TLN2: variants seen among roughly 807,000 people sequenced by gnomAD.
TLN2 encodes the protein talin-2.
In TLN2, 118 loss-of-function variants were observed where a neutral mutation model predicts 294.7. That is an observed-to-expected ratio of 0.40 (90% confidence interval 0.34 to 0.47). TLN2 has a LOEUF of 0.47. Among genes scored for constraint, TLN2 ranks in the 20% least tolerant of loss-of-function variants. The pLI is 0.84. For missense variants in TLN2, 3,083 were observed against 3,282.2 expected (o/e 0.94, Z 1.48); for synonymous variants, 1,431 against 1,304.5 (o/e 1.10, Z -2.09).
intron 54 of TLN2, among the ~76,000 whole-genome samples, chr15:62,822,606 C>T (rs1213230475): frequency 6.6e-6 from 1 of 152,168 alleles, no homozygotes; most frequent in African/African-American, 2.4e-5. Context: ...TCAGTCCATA[C>T]CAGCCCCTGT....
rs919756513 is a variant in TLN2 at position 62,588,842 on chromosome 15, CAAT to C, written c.-237-844_-237-842del. On this transcript the variant is annotated intron_variant, in intron 1 of 58. Coordinates refer to ENST00000636159, the MANE Select transcript of TLN2 (RefSeq NM_015059.3). ...AAAAATAGAGCAGAAATTTTAAAAA[CAAT>C]GATACTTTTGTCAAAAAATAAAATA... Among the ~76,000 whole-genome samples, 5 of 150,240 alleles carry C rather than the reference CAAT, an allele frequency of 3.3e-5. No individual in the cohort carries two copies. The East Asian group carries it at 5.9e-4, about 18-fold the overall frequency.
intron 1 of TLN2, among the ~76,000 whole-genome samples, chr15:62,529,544 T>C (rs1251028921): frequency 6.9e-6 from 1 of 144,146 alleles, no homozygotes; most frequent in African/African-American, 2.7e-5. Context: ...TTATTTTTTT[T>C]CTCTTACTTA....
At chr15:62,584,640 G>T (rs1377660240) in intron 1 of TLN2, among the ~76,000 whole-genome samples, 1 of 152,118 alleles carries the variant, frequency 6.6e-6, no homozygotes, top group Non-Finnish European at 1.5e-5. Flanking sequence ...CTAATCATTG[G>T]GCTACACTTC....
chr15:62,762,603 A>G, intron 39 of TLN2, 150 bp downstream of exon 39: 1 of 848,990 alleles, frequency 1.2e-6, no homozygotes, highest in South Asian at 1.8e-5. Context: ...TGGTCACAAT[A>G]GTAATTGCTA....
At chr15:62,598,504 G>A (rs745493883) in intron 2 of TLN2, among the ~76,000 whole-genome samples, 20 of 152,182 alleles carry the variant, frequency 1.3e-4, no homozygotes, top group African/African-American at 2.2e-4. Context: ...TTCTCTGCTC[G>A]ATGTTCCCTT....
At chr15:62,501,456 G>T (rs867374750) in intron 1 of TLN2, among the ~76,000 whole-genome samples, 9 of 152,146 alleles carry the variant, frequency 5.9e-5, no homozygotes, top group Admixed American at 3.3e-4. Context: ...CTCCCACAAG[G>T]TTGCTGGATA....
At position 62,677,806 on chromosome 15, in the gene TLN2, C is replaced by CTTTTTTTT. The variant is rs3055781; in HGVS notation, c.957+2493_957+2500dup. On this transcript the variant is annotated intron_variant, in intron 11 of 58. Coordinates refer to ENST00000636159, the MANE Select transcript of TLN2 (RefSeq NM_015059.3). ...TTAAGAAAGTAGGCAGCACTTGCAA[C>CTTTTTTTT]TTTTTTTTTTTTTTTGAGACGGAGA... is the stretch of plus-strand genomic sequence containing the variant. 1.4e-3 allele frequency among the ~76,000 whole-genome samples: 109 copies of CTTTTTTTT among 75,258 alleles called. 16 individuals are homozygous for CTTTTTTTT. The South Asian group carries it at 0.059, about 41-fold the overall frequency. 49.4% of individuals were successfully genotyped at this position (75,258 alleles called of 152,430 possible). A position where few individuals can be genotyped will look rare whatever the true frequency, so the allele number is the denominator to read the frequency against.
At chr15:62,654,496 G>C (rs1298158838) in intron 7 of TLN2, among the ~76,000 whole-genome samples, 3 of 152,062 alleles carry the variant, frequency 2.0e-5, no homozygotes, top group Admixed American at 6.6e-5. Flanking sequence ...GCTCGTGCCT[G>C]TAATTCTAGC....
At chr15:62,516,049 G>A (rs901665591) in intron 1 of TLN2, among the ~76,000 whole-genome samples, 1 of 152,198 alleles carries the variant, frequency 6.6e-6, no homozygotes, top group Non-Finnish European at 1.5e-5. Context: ...GAAGACATTT[G>A]ATTAGTGTGA....
At chr15:62,728,492 C>A (rs1398838529) in intron 28 of TLN2, among the ~76,000 whole-genome samples, 3 of 152,180 alleles carry the variant, frequency 2.0e-5, no homozygotes, top group Non-Finnish European at 4.4e-5. Flanking sequence ...TAGGTCAGAG[C>A]TTCCCCATGT....
chr15:62,644,210 A>C (rs940988533), intron 3 of TLN2, among the ~76,000 whole-genome samples: 2 of 127,144 alleles, frequency 1.6e-5, no homozygotes, highest in African/African-American at 6.1e-5. Context: ...ATTCAGTTGC[A>C]ATGTCTCAGT....
chr15:62,740,726 C>G lies in TLN2; in HGVS notation c.3982C>G (p.Pro1328Ala), dbSNP rs746434371. 3.1e-6 allele frequency: 5 copies of G among 1,614,182 alleles called. No individual in the cohort carries two copies. Among genetic ancestry groups the G allele is most frequent in the Admixed American group, 1.7e-5 (1 of 60,020 alleles). The change falls in exon 32 of 59, where the codon CCA (proline) becomes GCA (alanine). Residue 1328 changes from proline (P) to alanine (A), a missense_variant. Transcript: ENST00000636159. ...AGCTGCCAAGTCTCTCTCTGTAGAT[C>G]CAGGAGCTCCCAATGCGAAAAATCT... ...LLAAKSLSVD[P>A]GAPNAKNLLA...
chr15:62,607,689 T>G (rs2047566962), intron 2 of TLN2, among the ~76,000 whole-genome samples: 1 of 152,240 alleles, frequency 6.6e-6, no homozygotes, highest in South Asian at 2.1e-4. Flanking sequence ...TTAGGGTTTA[T>G]TTGACCCCTG....
intron 1 of TLN2, among the ~76,000 whole-genome samples, chr15:62,556,881 G>C (rs1007402452): frequency 2.0e-5 from 3 of 152,088 alleles, no homozygotes; most frequent in Non-Finnish European, 4.4e-5. Context: ...TTCTTTATAA[G>C]GAAACATTTT....
chr15:62,487,249 A>C (rs1483198640), intron 1 of TLN2, among the ~76,000 whole-genome samples: 1 of 152,108 alleles, frequency 6.6e-6, no homozygotes, highest in African/African-American at 2.4e-5. Context: ...AACTTGCGTG[A>C]TGTGTACATA....
Position 62,840,730 on chromosome 15 carries a change from A to AGGGAG in TLN2, c.*121_*122insGGAGG. ...CCACCTCCCTCCCGGGTGAGCCTGG[A>AGGGAG]GCCCTGCGTGCTTGTTCTCACATCT... On this transcript the variant is annotated 3_prime_UTR_variant, in exon 59 of 59. Coordinates refer to ENST00000636159, the MANE Select transcript of TLN2 (RefSeq NM_015059.3). The AGGGAG allele has an allele frequency of 7.2e-7, 1 of 1,389,314 alleles. No homozygotes were observed. Among genetic ancestry groups the AGGGAG allele is most frequent in the Non-Finnish European group, 9.6e-7 (1 of 1,039,888 alleles). 86.1% of individuals were successfully genotyped at this position (1,389,314 alleles called of 1,614,324 possible).
At chr15:62,758,091 T>G (rs1567540842) in intron 37 of TLN2, among the ~76,000 whole-genome samples, 1 of 152,172 alleles carries the variant, frequency 6.6e-6, no homozygotes, top group Non-Finnish European at 1.5e-5. Context: ...CTTAGTGCTG[T>G]TTTTTTCTTT....
chr15:62,656,661 C>T (rs1207511784), intron 8 of TLN2, among the ~76,000 whole-genome samples: 1 of 152,208 alleles, frequency 6.6e-6, no homozygotes, highest in African/African-American at 2.4e-5. Flanking sequence ...AGCTTCCTTT[C>T]TTCCTTTCCT....
intron 28 of TLN2, among the ~76,000 whole-genome samples, chr15:62,728,669 C>T (rs998290019): frequency 6.6e-6 from 1 of 152,134 alleles, no homozygotes; most frequent in Admixed American, 6.5e-5. Flanking sequence ...CATCGAGGAT[C>T]TTTTCATAGG....
Sources: gnomAD v4.1 joint callset for allele counts (sites outside exome capture counted in the v4.1 genomes callset) on GRCh38, gnomAD v4.1.1 for gene constraint, MANE v1.5 for transcripts, NCBI Gene and HGNC (gene_info 2026-07-23, HGNC 2026-07-21) for gene names.